The following SAXO1 variants were observed in gnomAD, a reference collection of about 807,000 sequenced individuals.
The protein encoded by SAXO1 is 4930500O09Rik.
SAXO1 carries 21 observed loss-of-function variants against 17.5 expected under a neutral mutation model. The ratio of observed to expected loss-of-function variants is 1.20; its 90% CI spans 0.85 to 1.72. The LOEUF is 1.72. SAXO1 is among the 40% of genes most tolerant of loss of function. The pLI is 0.00. For synonymous variants in SAXO1, 274 were observed against 216.5 expected, an observed-to-expected ratio of 1.27 and a Z score of -2.33; for missense variants, 843 against 596.0, an observed-to-expected ratio of 1.41 and a Z score of -4.32.
At chr9:18,933,109 T>A (rs1375545964) in intron 3 of SAXO1, among the ~76,000 whole-genome samples, 3 of 152,256 alleles carry the variant, frequency 2.0e-5, no homozygotes, top group African/African-American at 7.2e-5. Context: ...TTGTTCTCAA[T>A]CTTAGGGGGA....
At chr9:18,988,933 T>C (rs1833697354) in intron 1 of SAXO1, among the ~76,000 whole-genome samples, 1 of 152,172 alleles carries the variant, frequency 6.6e-6, no homozygotes, top group Non-Finnish European at 1.5e-5. Flanking sequence ...AAATAATTAT[T>C]AATCAGAGGG....
At position 18,990,235 on chromosome 9, in the gene SAXO1, C is replaced by T. The variant is rs562692673; in HGVS notation, c.39-39298G>A. On this transcript the variant is annotated intron_variant, in intron 1 of 3. Coordinates refer to ENST00000380534, the MANE Select transcript of SAXO1 (RefSeq NM_153707.4). ...CCTACTTCCTATAGCCTATAATGAC[C>T]GGCATTTAAAAGCAAGAAAATCAAG... Among the ~76,000 whole-genome samples the T allele has an allele frequency of 3.4e-4, 51 of 151,744 alleles. 1 individual carries two copies. Among genetic ancestry groups the T allele is most frequent in the South Asian group, 6.3e-4 (3 of 4,798 alleles).
At chr9:19,006,669 G>T (rs1015078456) in intron 1 of SAXO1, among the ~76,000 whole-genome samples, 54 of 152,196 alleles carry the variant, frequency 3.5e-4, no homozygotes, top group African/African-American at 1.3e-3. Context: ...TTGGGATGAT[G>T]AAAAAGTTCT....
At chr9:19,019,992 C>T (rs1052762186) in intron 1 of SAXO1, among the ~76,000 whole-genome samples, 1 of 150,052 alleles carries the variant, frequency 6.7e-6, no homozygotes, top group African/African-American at 2.5e-5. Context: ...TCCATATAAA[C>T]TGGCCATCCT....
At chr9:19,023,844 C>T (rs1048754165) in intron 1 of SAXO1, among the ~76,000 whole-genome samples, 4 of 151,520 alleles carry the variant, frequency 2.6e-5, no homozygotes, top group Non-Finnish European at 4.4e-5. Context: ...AGGAAAGGAA[C>T]GAAGGAACGA....
upstream of SAXO1, among the ~76,000 whole-genome samples, chr9:19,036,858 C>T (rs773095837): frequency 6.6e-5 from 10 of 152,140 alleles, no homozygotes; most frequent in Admixed American, 3.9e-4. Flanking sequence ...GGAGATCCAC[C>T]GACAAATTGC....
At chr9:18,936,696 G>T (rs1290306283) in intron 3 of SAXO1, among the ~76,000 whole-genome samples, 1 of 152,172 alleles carries the variant, frequency 6.6e-6, no homozygotes, top group Non-Finnish European at 1.5e-5. Context: ...GGGCCAGAGT[G>T]TCATGTGGGT....
At chr9:18,938,670 G>A (rs1455626111) in intron 3 of SAXO1, among the ~76,000 whole-genome samples, 1 of 152,090 alleles carries the variant, frequency 6.6e-6, no homozygotes, top group Non-Finnish European at 1.5e-5. Context: ...CCATGATTCA[G>A]TTTAAGCTGT....
rs1025350859 is a variant in SAXO1 at position 19,024,958 on chromosome 9, G to T, written c.38+7913C>A. Among the ~76,000 whole-genome samples the T allele has an allele frequency of 3.3e-5, 5 of 152,220 alleles. 1 individual carries two copies. Among genetic ancestry groups the T allele is most frequent in the Admixed American group, 1.3e-4 (2 of 15,296 alleles). On this transcript the variant is annotated intron_variant, in intron 1 of 3. Coordinates refer to ENST00000380534, the MANE Select transcript of SAXO1 (RefSeq NM_153707.4). ...AACGGATCCATCTGCAGACTATAAG[G>T]TCGAATAGATCATGTTTACTGCTGT...
intron 1 of SAXO1, among the ~76,000 whole-genome samples, chr9:19,004,953 G>A (rs779427036): frequency 6.6e-6 from 1 of 152,116 alleles, no homozygotes; most frequent in African/African-American, 2.4e-5. Flanking sequence ...GAGGTGCAGG[G>A]TACAAAACCA....
chr9:18,977,520 A>G (rs1175491678), intron 1 of SAXO1, among the ~76,000 whole-genome samples: 2 of 152,182 alleles, frequency 1.3e-5, no homozygotes, highest in African/African-American at 4.8e-5. Flanking sequence ...TATAGCTGAT[A>G]AGGGGTGGAA....
intron 1 of SAXO1, chr9:19,028,274 G>C: frequency 3.1e-6 from 2 of 643,158 alleles, no homozygotes; most frequent in South Asian, 3.9e-5. Flanking sequence ...TGCTCGGGAG[G>C]CTGAGGCAGG....
intron 1 of SAXO1, among the ~76,000 whole-genome samples, chr9:19,043,934 C>T (rs904079939): frequency 1.3e-5 from 2 of 152,030 alleles, no homozygotes; most frequent in African/African-American, 2.4e-5. Flanking sequence ...CACCTGAGAT[C>T]GGGAGTTCGA....
chr9:19,010,702 C>T (rs1834695116), intron 1 of SAXO1, among the ~76,000 whole-genome samples: 1 of 152,084 alleles, frequency 6.6e-6, no homozygotes, highest in Non-Finnish European at 1.5e-5. Context: ...TTAAAAAAGA[C>T]AATTACAGGC....
chr9:19,003,014 C>G (rs1834339975), intron 1 of SAXO1, among the ~76,000 whole-genome samples: 1 of 152,184 alleles, frequency 6.6e-6, no homozygotes, highest in East Asian at 1.9e-4. Context: ...AGCCCAAAAT[C>G]TCCTTAAGCT....
At chr9:19,023,824 A>AAGGAAAGGG (rs1563988227) in intron 1 of SAXO1, among the ~76,000 whole-genome samples, 2 of 152,046 alleles carry the variant, frequency 1.3e-5, no homozygotes, top group East Asian at 1.9e-4. Context: ...GAAAGAAAGG[A>AAGGAAAGGG]AGGAAAGGGA....
At chr9:18,950,094 T>A (rs1371443714) in intron 2 of SAXO1, among the ~76,000 whole-genome samples, 1 of 152,168 alleles carries the variant, frequency 6.6e-6, no homozygotes, top group Admixed American at 6.5e-5. Flanking sequence ...AGACCAACCC[T>A]GAACTGATAA....
chr9:19,037,329 C>T (rs554723720), upstream of SAXO1, among the ~76,000 whole-genome samples: 1 of 152,250 alleles, frequency 6.6e-6, no homozygotes, highest in Non-Finnish European at 1.5e-5. Context: ...AATGTGAGGA[C>T]ATGAGATTTG....
rs548741879 is a variant in SAXO1, at chr9:19,048,466, A to T, written c.-158+743T>A. Among the ~76,000 whole-genome samples, 3 of 152,284 alleles carry T rather than the reference A, an allele frequency of 2.0e-5. No individual in the cohort carries two copies. The South Asian group carries it at 6.2e-4, about 32-fold the overall frequency. On this transcript the variant is annotated intron_variant, in intron 1 of 3. Transcript: ENST00000542071. ...AGTGAGACTCCGTCTCAAAAGAAAA[A>T]AAAAGGACTTTAAGGTAGATACAGA...
Sources: gnomAD v4.1 joint callset for allele counts (sites outside exome capture counted in the v4.1 genomes callset) on GRCh38, gnomAD v4.1.1 for gene constraint, MANE v1.5 for transcripts, NCBI Gene and HGNC (gene_info 2026-07-23, HGNC 2026-07-21) for gene names.